SUFU: variants seen among roughly 807,000 people sequenced by gnomAD.
SUFU encodes the protein SUFU negative regulator of hedgehog signaling.
Under a neutral mutation model 58.9 loss-of-function variants are expected in SUFU, and 7 were observed. The observed-to-expected ratio is 0.12, with a 90% confidence interval of 0.07 to 0.22. The LOEUF (loss-of-function observed/expected upper bound fraction) is 0.22. Ranked by LOEUF, SUFU falls within the 10% of genes least tolerant of loss-of-function variation. The pLI is 1.00. For synonymous variants in SUFU, 232 were observed against 254.8 expected, an observed-to-expected ratio of 0.91 and a Z score of 0.85; for missense variants, 451 against 641.3, an observed-to-expected ratio of 0.70 and a Z score of 3.20.
rs775876798 is a variant in SUFU, at chr10:102,509,286, T to A, written c.300T>A (p.Gly100=). The change falls in exon 2 of 12, where the codon GGT becomes GGA. Residue 100 remains glycine (G), a synonymous_variant. Coordinates refer to ENST00000369902, the MANE Select transcript of SUFU (RefSeq NM_016169.4). ...GCTTCGGCCTGAGTGATCTCTATGG[T>A]GACAACAGAGTCCATGAGTGAGTAT... ...YISFGLSDLY[G]DNRVHEFTGT... is the part of the protein sequence containing the mutation. 2.0e-5 allele frequency: 32 copies of A among 1,614,060 alleles called. No individual in the cohort carries two copies. The highest frequency in any genetic ancestry group is 5.3e-5 in the African/African-American group (4 of 74,928).
chr10:102,576,251 G>T (rs2063210775), intron 3 of SUFU, among the ~76,000 whole-genome samples: 2 of 152,080 alleles, frequency 1.3e-5, no homozygotes, highest in South Asian at 4.1e-4. Flanking sequence ...TCCATTTGGT[G>T]TGCGTCCTTG....
chr10:102,617,526 G>C lies in SUFU; in HGVS notation c.1296+98G>C. The C allele has an allele frequency of 1.9e-6, 3 of 1,559,070 alleles. No homozygotes were observed. The highest frequency in any genetic ancestry group is 2.6e-6 in the Non-Finnish European group (3 of 1,132,604). On this transcript the variant is annotated intron_variant, in intron 10 of 11. Coordinates refer to ENST00000369902, the MANE Select transcript of SUFU (RefSeq NM_016169.4). This position sits in a 1 kb window ranked among gnomAD's most constrained non-coding sequence, Gnocchi z 4.4. ...GCAGCTCTTGATGGCACCCCTTCCT[G>C]GGGGGCTGGTCATGAATGCCTCATG...
At chr10:102,606,166 A>G (rs2063561163) in intron 8 of SUFU, among the ~76,000 whole-genome samples, 1 of 152,252 alleles carries the variant, frequency 6.6e-6, no homozygotes, top group South Asian at 2.1e-4. Flanking sequence ...GTACACTGCT[A>G]GAAATCAGGA....
chr10:102,539,908 A>G (rs1187033401), intron 2 of SUFU, among the ~76,000 whole-genome samples: 2 of 152,234 alleles, frequency 1.3e-5, no homozygotes, highest in African/African-American at 2.4e-5. Context: ...CAGTGTCACT[A>G]GGTCCATTAC....
intron 3 of SUFU, among the ~76,000 whole-genome samples, chr10:102,566,942 C>CA (rs567137519): frequency 0.14 from 10,205 of 73,924 alleles, 565 homozygotes; most frequent in Non-Finnish European, 0.2. Flanking sequence ...GACTCCATCT[C>CA]AAAAAAAAAA....
Position 102,599,544 on chromosome 10 carries a change from C to T in SUFU, c.1022C>T (p.Pro341Leu), listed in dbSNP as rs587778699. 45 of 1,613,698 alleles carry T rather than the reference C, an allele frequency of 2.8e-5. No homozygotes were observed. The highest frequency in any genetic ancestry group is 1.6e-4 in the Middle Eastern group (1 of 6,082). ...RQNGLAHDRA[P>L]SRKDSLESDS... is the part of the protein sequence containing the mutation. ...AATGGCCTCGCCCACGACCGGGCCC[C>T]GTAAGTTCCCCAGTGTCCCTGGGCT... The change falls in exon 8 of 12, where the codon CCG becomes CTG. Residue 341 changes from proline to leucine, a missense_variant and splice_region_variant. By Grantham distance (98) the Pro-to-Leu change is moderately conservative. Transcript: ENST00000369902.
intron 2 of SUFU, among the ~76,000 whole-genome samples, chr10:102,514,637 G>A (rs2062443831): frequency 6.6e-6 from 1 of 152,230 alleles, no homozygotes; most frequent in Non-Finnish European, 1.5e-5. Context: ...CTTGGGAGGT[G>A]TCAGACAGCT....
At chr10:102,559,439 C>T (rs528390549) in intron 3 of SUFU, among the ~76,000 whole-genome samples, 3 of 152,292 alleles carry the variant, frequency 2.0e-5, no homozygotes, top group African/African-American at 7.2e-5. Flanking sequence ...GACACTGGGC[C>T]TGGGAAGAGA....
At chr10:102,510,995 C>G (rs1321724062) in intron 2 of SUFU, among the ~76,000 whole-genome samples, 1 of 151,626 alleles carries the variant, frequency 6.6e-6, no homozygotes, top group Non-Finnish European at 1.5e-5. Context: ...GTGGCACATG[C>G]CTGTAATCCC....
intron 3 of SUFU, among the ~76,000 whole-genome samples, chr10:102,554,921 C>T (rs533933242): frequency 6.6e-6 from 1 of 152,340 alleles, no homozygotes; most frequent in South Asian, 2.1e-4. Flanking sequence ...GCCTGGTACG[C>T]AGTAAGTACT....
chr10:102,610,465 A>G (rs1416114936), intron 8 of SUFU, among the ~76,000 whole-genome samples: 1 of 152,046 alleles, frequency 6.6e-6, no homozygotes, highest in Non-Finnish European at 1.5e-5. Flanking sequence ...TAGACCTTAT[A>G]TAGGCGGGGT....
rs2063805971 is a variant in SUFU at position 102,628,333 on chromosome 10, A to G, written c.1365+1090A>G. Among the ~76,000 whole-genome samples, 1 of 152,204 alleles carries G rather than the reference A, an allele frequency of 6.6e-6. No individual in the cohort carries two copies. The highest frequency in any genetic ancestry group is 1.9e-4 in the East Asian group (1 of 5,200). Reference sequence around the variant, plus strand: ...ACTCCCCAGAGCCAGGGTCACCTCAATAGAGCAGGGTCTCCTCTGTCCTCT... The same window carrying G: ...ACTCCCCAGAGCCAGGGTCACCTCAGTAGAGCAGGGTCTCCTCTGTCCTCT... On this transcript the variant is annotated intron_variant, in intron 11 of 11. Coordinates refer to ENST00000369902, the MANE Select transcript of SUFU (RefSeq NM_016169.4). The surrounding 1 kb of genome is among the most constrained non-coding windows in gnomAD (Gnocchi z 4.5).
At chr10:102,616,364 A>C (rs2063686844) in intron 9 of SUFU, among the ~76,000 whole-genome samples, 1 of 152,240 alleles carries the variant, frequency 6.6e-6, no homozygotes. Flanking sequence ...AAGAACTTGC[A>C]CACTTGGGGA....
intron 3 of SUFU, among the ~76,000 whole-genome samples, chr10:102,557,867 T>C (rs2062997429): frequency 6.6e-6 from 1 of 152,132 alleles, no homozygotes; most frequent in South Asian, 2.1e-4. Flanking sequence ...CACAGGGCTT[T>C]GTGCTTTTAA....
intron 3 of SUFU, among the ~76,000 whole-genome samples, chr10:102,567,430 C>T (rs1396849476): frequency 6.6e-6 from 1 of 152,092 alleles, no homozygotes; most frequent in African/African-American, 2.4e-5. Flanking sequence ...CTTGAGATTC[C>T]CTGGGAGTGG....
intron 8 of SUFU, among the ~76,000 whole-genome samples, chr10:102,607,684 C>A (rs578212560): frequency 1.3e-5 from 2 of 152,256 alleles, no homozygotes; most frequent in South Asian, 4.1e-4. Context: ...GAGGCCAAGG[C>A]GTGCAGATCA....
At chr10:102,604,905 C>T (rs537383179) in intron 8 of SUFU, among the ~76,000 whole-genome samples, 1 of 149,962 alleles carries the variant, frequency 6.7e-6, no homozygotes, top group Non-Finnish European at 1.5e-5. Context: ...GGGATATTCC[C>T]GATGAAAATA....
At chr10:102,624,670 T>A (rs1393034412) in intron 10 of SUFU, among the ~76,000 whole-genome samples, 1 of 152,194 alleles carries the variant, frequency 6.6e-6, no homozygotes, top group Non-Finnish European at 1.5e-5. Context: ...ACACAGATGG[T>A]GCCGCGCATG....
At chr10:102,512,874 G>A (rs1382001527) in intron 2 of SUFU, among the ~76,000 whole-genome samples, 3 of 152,010 alleles carry the variant, frequency 2.0e-5, no homozygotes, top group Admixed American at 1.3e-4. Context: ...CACCAGCCTG[G>A]GGAACATAGT....
Sources: gnomAD v4.1 joint callset for allele counts (sites outside exome capture counted in the v4.1 genomes callset) on GRCh38, gnomAD v4.1.1 for gene constraint, Gnocchi (gnomAD v3.1) non-coding constraint, MANE v1.5 for transcripts, NCBI Gene and HGNC (gene_info 2026-07-23, HGNC 2026-07-21) for gene names.